DLGAP2: variants seen among roughly 807,000 people sequenced by gnomAD.
DLGAP2 encodes DLG associated protein 2, also known as disks large-associated protein 2.
A neutral mutation model predicts 100.3 loss-of-function variants in DLGAP2; 26 were observed. The observed-to-expected ratio is 0.26, with a 90% CI of 0.19 to 0.36. The LOEUF (loss-of-function observed/expected upper bound fraction) is 0.36, where lower values mean the gene tolerates loss of function less well. Ranked by LOEUF, DLGAP2 falls within the 10% of genes least tolerant of loss-of-function variation. DLGAP2 has a pLI of 1.00. For missense variants in DLGAP2, 1,858 were observed against 1,453.2 expected (o/e 1.28, Z -4.53); for synonymous variants, 886 against 630.1 (o/e 1.41, Z -6.08).
At chr8:1,302,619 G>T (rs1057422455) in intron 3 of DLGAP2, 1 of 152,302 alleles carries the variant, frequency 6.6e-6, no homozygotes, top group Non-Finnish European at 1.5e-5. Flanking sequence ...GTAGGTTCCC[G>T]AGCCCTGCTC....
At chr8:985,896 C>T (rs1016643488) in intron 2 of DLGAP2, among the ~76,000 whole-genome samples, 1 of 152,016 alleles carries the variant, frequency 6.6e-6, no homozygotes, top group Non-Finnish European at 1.5e-5. Context: ...TTCAGCTCCT[C>T]GATGAAACCC....
chr8:1,465,872 A>G (rs1340080724), intron 3 of DLGAP2, among the ~76,000 whole-genome samples: 2 of 152,218 alleles, frequency 1.3e-5, no homozygotes, highest in African/African-American at 2.4e-5. Context: ...CACAATGAGA[A>G]AGGTGGGTCA....
intron 4 of DLGAP2, among the ~76,000 whole-genome samples, chr8:1,509,471 T>G (rs1053898278): frequency 1.3e-5 from 2 of 152,146 alleles, no homozygotes; most frequent in Non-Finnish European, 2.9e-5. Context: ...CGTCTTATTG[T>G]GGAATATAAT....
chr8:1,325,597 C>G (rs531686201), intron 3 of DLGAP2, among the ~76,000 whole-genome samples: 1 of 152,266 alleles, frequency 6.6e-6, no homozygotes, highest in South Asian at 2.1e-4. Flanking sequence ...AGGGATCTCC[C>G]CTGAAAGGAT....
chr8:1,092,151 C>T (rs1804206577), intron 2 of DLGAP2, among the ~76,000 whole-genome samples: 1 of 152,296 alleles, frequency 6.6e-6, no homozygotes, highest in South Asian at 2.1e-4. Context: ...CAGGCTCTGT[C>T]CTCGCCTGCC....
chr8:1,235,096 CGTGTCT>C (rs1563269928), intron 2 of DLGAP2, among the ~76,000 whole-genome samples: 5 of 21,814 alleles, frequency 2.3e-4, no homozygotes, highest in Admixed American at 5.6e-4. Flanking sequence ...CACATGGCGT[CGTGTCT>C]AGTTCTCTCA....
chr8:983,474 C>G (rs1006299898), intron 2 of DLGAP2, among the ~76,000 whole-genome samples: 1 of 152,216 alleles, frequency 6.6e-6, no homozygotes, highest in Non-Finnish European at 1.5e-5. Flanking sequence ...CCCTTAGAAT[C>G]CACGTGTTGG....
chr8:1,449,602 ACT>A lies in DLGAP2; in HGVS notation c.107-51761_107-51760del, dbSNP rs371331395. Among the ~76,000 whole-genome samples, 26 of 152,118 alleles carry A rather than the reference ACT, an allele frequency of 1.7e-4. No homozygotes were observed. In the East Asian group the frequency reaches 4.8e-3, roughly 28 times the overall value. On this transcript the variant is annotated intron_variant, in intron 3 of 14. Coordinates refer to ENST00000637795, the MANE Select transcript of DLGAP2 (RefSeq NM_001346810.2). ...TCCTGAGCTCCAGGGTGGGCCTGGCACTCTGCATTCTGAACGGGCAATGCTGA... is the reference window on the plus strand; with the variant it reads ...TCCTGAGCTCCAGGGTGGGCCTGGCACTGCATTCTGAACGGGCAATGCTGA...
chr8:1,036,663 G>A (rs905552636), intron 2 of DLGAP2, among the ~76,000 whole-genome samples: 1 of 152,132 alleles, frequency 6.6e-6, no homozygotes, highest in Non-Finnish European at 1.5e-5. Flanking sequence ...CTTGAACCGT[G>A]CACCCTAGAG....
At chr8:1,028,317 G>A (rs558039995) in intron 2 of DLGAP2, among the ~76,000 whole-genome samples, 17 of 140,472 alleles carry the variant, frequency 1.2e-4, no homozygotes, top group South Asian at 4.9e-4. Flanking sequence ...GGTGTCAGGC[G>A]CCCGTTATTC....
At chr8:1,667,950 C>G (rs1429442558) in intron 8 of DLGAP2, among the ~76,000 whole-genome samples, 2 of 152,018 alleles carry the variant, frequency 1.3e-5, no homozygotes, top group Non-Finnish European at 2.9e-5. Context: ...GTCTCCGCTG[C>G]TGGATTTGTT....
Position 1,358,417 on chromosome 8 carries a change from C to T in DLGAP2, c.106+99534C>T, listed in dbSNP as rs192461214. On this transcript the variant is annotated intron_variant, in intron 3 of 14. Coordinates refer to ENST00000637795, the MANE Select transcript of DLGAP2 (RefSeq NM_001346810.2). ...GGCCTGGGGCTAAAAATGTATTGAT[C>T]GGGGTTTTGGTTAAGGAGGTAGATT... 3.0e-4 allele frequency among the ~76,000 whole-genome samples: 45 copies of T among 152,136 alleles called. No individual in the cohort carries two copies. The East Asian group carries it at 7.5e-3, about 25-fold the overall frequency.
chr8:1,162,766 CTG>C (rs1409957364), intron 2 of DLGAP2, among the ~76,000 whole-genome samples: 1 of 152,122 alleles, frequency 6.6e-6, no homozygotes, highest in Non-Finnish European at 1.5e-5. Flanking sequence ...GTTGTCTGTA[CTG>C]TGTCTGTTGT....
At chr8:1,184,874 G>C (rs1196244507) in intron 2 of DLGAP2, among the ~76,000 whole-genome samples, 1 of 152,310 alleles carries the variant, frequency 6.6e-6, no homozygotes, top group Middle Eastern at 3.4e-3. Flanking sequence ...GGATCTCCAG[G>C]TTGGAGGGAG....
chr8:1,427,636 C>T (rs574174418), intron 3 of DLGAP2, among the ~76,000 whole-genome samples: 2 of 152,264 alleles, frequency 1.3e-5, no homozygotes, highest in Admixed American at 1.3e-4. Flanking sequence ...GTCTTTCCTG[C>T]TCTGTTGTCT....
At chr8:911,277 T>A (rs1433831274) in intron 2 of DLGAP2, among the ~76,000 whole-genome samples, 2 of 152,212 alleles carry the variant, frequency 1.3e-5, no homozygotes, top group African/African-American at 4.8e-5. Flanking sequence ...GCGTGTGTAA[T>A]GTATGTTGGA....
chr8:1,590,684 T>G (rs1796263952), intron 6 of DLGAP2, among the ~76,000 whole-genome samples: 3 of 152,226 alleles, frequency 2.0e-5, no homozygotes, highest in African/African-American at 7.2e-5. Context: ...AGTTTGTAGT[T>G]CTAAGAAATT....
chr8:1,419,963 G>A (rs962750374), intron 3 of DLGAP2, among the ~76,000 whole-genome samples: 6 of 152,212 alleles, frequency 3.9e-5, no homozygotes, highest in Non-Finnish European at 5.9e-5. Flanking sequence ...GTGAAATGGG[G>A]TAGGTAGACA....
At chr8:828,319 C>A (rs372056909) in intron 1 of DLGAP2, among the ~76,000 whole-genome samples, 1 of 152,098 alleles carries the variant, frequency 6.6e-6, no homozygotes, top group Non-Finnish European at 1.5e-5. Context: ...GAGACAGGTA[C>A]GCCCCGGGGG....
Sources: gnomAD v4.1 joint callset for allele counts (sites outside exome capture counted in the v4.1 genomes callset) on GRCh38, gnomAD v4.1.1 for gene constraint, MANE v1.5 for transcripts, NCBI Gene and HGNC (gene_info 2026-07-23, HGNC 2026-07-21) for gene names.